Variants in SLC44A2 observed in about 807,000 individuals in gnomAD.
SLC44A2 encodes the protein choline transporter-like protein 2.
Under a neutral mutation model 90.8 loss-of-function variants are expected in SLC44A2, and 57 were observed. The ratio of observed to expected loss-of-function variants is 0.63; its 90% CI spans 0.51 to 0.78. SLC44A2 has a LOEUF of 0.78. SLC44A2 is among the 30% of genes least tolerant of loss of function. The pLI, the probability that SLC44A2 is intolerant of heterozygous loss-of-function variation, is 0.00. For missense variants in SLC44A2, 794 were observed against 919.7 expected, an observed-to-expected ratio of 0.86 and a Z score of 1.77; for synonymous variants, 355 against 360.7, an observed-to-expected ratio of 0.98 and a Z score of 0.18.
At chr19:10,630,982 G>A in intron 4 of SLC44A2, 75 bp from the exon 5 acceptor site, 5 of 1,177,832 alleles carry the variant, frequency 4.2e-6, no homozygotes, top group Non-Finnish European at 6.2e-6. Context: ...TCCATCCTGG[G>A]CAACAAGAGC....
At position 10,631,483 on chromosome 19, in the gene SLC44A2, T is replaced by G. The variant is rs2066993649; in HGVS notation, c.450T>G (p.Ala150=). 1 of 1,614,076 alleles carries G rather than the reference T, an allele frequency of 6.2e-7. No individual in the cohort carries two copies. Among genetic ancestry groups the G allele is most frequent in the Admixed American group, 1.7e-5 (1 of 59,988 alleles). The part of the protein sequence containing the change: ...VPGFKNNKGV[A]EVLQDGDCPA... ...TCCATCTCTCTTGGCAGGGAGTGGC[T>G]GAGGTGCTTCAAGATGGTGACTGCC... The change falls in exon 7 of 22, where the codon GCT becomes GCG. Residue 150 remains alanine (A), a synonymous_variant. Transcript: ENST00000335757.
Position 10,632,160 on chromosome 19 carries a change from C to T in SLC44A2, c.823+4C>T, listed in dbSNP as rs765017585. 26 of 1,608,680 alleles carry T rather than the reference C, an allele frequency of 1.6e-5. No homozygotes were observed. The East Asian group carries it at 1.8e-4, about 11-fold the overall frequency. ...GTGATTCTGGTGCTGGGCTACGGTG[C>T]GTCACCCCCTCCCTGTGGCTTCTCT... On this transcript the variant is annotated splice_donor_region_variant and intron_variant, in intron 10 of 21. Coordinates refer to ENST00000335757, the MANE Select transcript of SLC44A2 (RefSeq NM_020428.4).
Position 10,619,964 on chromosome 19 carries a change from C to T in SLC44A2, c.32-6289C>T, listed in dbSNP as rs77532186. On this transcript the variant is annotated intron_variant, in intron 1 of 21. Transcript: ENST00000407327. ...AGCGAGACTCCGTCTCAAAAAAAAT[C>T]TGCAAATCTCCAACCTGGGCAACAT... is the stretch of plus-strand genomic sequence containing the variant. Among the ~76,000 whole-genome samples the T allele has an allele frequency of 3.7e-3, 563 of 151,756 alleles. 6 individuals carry two copies. Among genetic ancestry groups the T allele is most frequent in the African/African-American group, 0.011 (470 of 41,438 alleles).
chr19:10,626,838 C>G (rs555161324), intron 2 of SLC44A2, among the ~76,000 whole-genome samples: 1 of 152,064 alleles, frequency 6.6e-6, no homozygotes, highest in Admixed American at 6.6e-5. Context: ...CAACCTTCCC[C>G]TCCTGGTTCA....
intron 1 of SLC44A2, among the ~76,000 whole-genome samples, chr19:10,619,072 G>A (rs748563229): frequency 6.7e-5 from 10 of 149,198 alleles, no homozygotes; most frequent in Non-Finnish European, 1.0e-4. Flanking sequence ...CTGGGCTGAC[G>A]TGATCCTCCC....
intron 4 of SLC44A2, among the ~76,000 whole-genome samples, chr19:10,628,542 A>T (rs557824548): frequency 1.3e-5 from 2 of 152,246 alleles, no homozygotes; most frequent in Admixed American, 6.5e-5. Flanking sequence ...ACAGAGCGAG[A>T]CCTGGTCTCA....
rs559607670 is a variant in SLC44A2, at chr19:10,634,586, G to T, written c.824-170G>T. Among the ~76,000 whole-genome samples, 56 of 148,484 alleles carry T rather than the reference G, an allele frequency of 3.8e-4. 3 individuals carry two copies. In the South Asian group the frequency reaches 9.9e-3, roughly 26 times the overall value. On this transcript the variant is annotated intron_variant, in intron 10 of 21. Transcript: ENST00000335757. ...GACACTTGAGCAGAGACCTAAGGAT[G>T]TGTGGGATCCAGCCATGGGGAGAGA... is the stretch of plus-strand genomic sequence containing the variant.
In SLC44A2 at chr19:10,636,649, C is replaced by A; in HGVS notation, c.1497-13C>A. 6.2e-7 allele frequency: 1 copy of A among 1,612,132 alleles called. No individual in the cohort carries two copies. ...GGCCTGGCCCAGCCACCGACCACTC[C>A]CTCGGCCCGCAGGTACCACACAGGC... On this transcript the variant is annotated splice_polypyrimidine_tract_variant and intron_variant, in intron 15 of 21. Transcript: ENST00000335757.
At chr19:10,614,927 C>T (rs8106021) in intron 1 of SLC44A2, among the ~76,000 whole-genome samples, 3,183 of 145,112 alleles carry the variant, frequency 0.022, 137 homozygotes, top group African/African-American at 0.077. Context: ...GCCAAGATTG[C>T]GCCACTGCAC....
chr19:10,610,293 G>GC (rs1918247760), intron 1 of SLC44A2, among the ~76,000 whole-genome samples: 1 of 150,636 alleles, frequency 6.6e-6, no homozygotes, highest in African/African-American at 2.4e-5. Flanking sequence ...CATTTGCAGA[G>GC]CCCTGGTAGA....
chr19:10,615,347 G>A (rs1279715674), intron 1 of SLC44A2, among the ~76,000 whole-genome samples: 1 of 152,062 alleles, frequency 6.6e-6, no homozygotes, highest in African/African-American at 2.4e-5. Context: ...GCCAAGGTGG[G>A]AGGATCACTT....
At chr19:10,626,352 C>A in intron 2 of SLC44A2, 51 bp downstream of exon 2, 1 of 1,332,206 alleles carries the variant, frequency 7.5e-7, no homozygotes, top group Non-Finnish European at 1.1e-6. Flanking sequence ...TACCCCAATC[C>A]CTGTCTCTTC....
intron 20 of SLC44A2, among the ~76,000 whole-genome samples, chr19:10,641,878 G>A (rs1260366778): frequency 2.6e-5 from 4 of 151,520 alleles, no homozygotes; most frequent in Admixed American, 6.6e-5. Context: ...AAAAAAGGCC[G>A]GGTGTGCGGT....
chr19:10,628,538 C>T (rs575638662), intron 4 of SLC44A2, among the ~76,000 whole-genome samples: 1 of 152,180 alleles, frequency 6.6e-6, no homozygotes, highest in Non-Finnish European at 1.5e-5. Context: ...GACGACAGAG[C>T]GAGACCTGGT....
intron 1 of SLC44A2, among the ~76,000 whole-genome samples, chr19:10,610,177 A>C (rs2088061705): frequency 6.6e-6 from 1 of 151,872 alleles, no homozygotes; most frequent in African/African-American, 2.4e-5. Context: ...AATGGCTCTT[A>C]TATTTTTAAA....
chr19:10,634,869 C>A lies in SLC44A2; in HGVS notation c.937C>A (p.Gln313Lys), dbSNP rs781369225. The A allele has an allele frequency of 6.2e-7, 1 of 1,614,208 alleles. No individual in the cohort carries two copies. Among genetic ancestry groups the A allele is most frequent in the Non-Finnish European group, 8.5e-7 (1 of 1,180,036 alleles). Reference sequence around the variant, plus strand: ...TTTCCGGGTGTACCTGCACTTACGGCAGACCTGGTTGGCCTTTAGTGAGTC... The same window carrying A: ...TTTCCGGGTGTACCTGCACTTACGGAAGACCTGGTTGGCCTTTAGTGAGTC... The part of the protein sequence containing the change: ...TDFRVYLHLR[Q>K]TWLAFMIILS... Residue 313 changes from glutamine (Q) to lysine (K), a missense_variant, in exon 11 of 22, where the codon CAG (glutamine) becomes AAG (lysine). Around this residue, in one of 3 missense-constraint regions of SLC44A2, gnomAD observed 738 missense variants for 841.1 expected, o/e 0.88. Coordinates refer to ENST00000335757, the MANE Select transcript of SLC44A2 (RefSeq NM_020428.4).
intron 21 of SLC44A2, 102 bp from the exon 22 acceptor site, chr19:10,643,177 C>T (rs772942235): frequency 3.4e-6 from 5 of 1,477,978 alleles, no homozygotes; most frequent in Admixed American, 4.8e-5. Flanking sequence ...TGCTTTCTAA[C>T]CCTCTGAGGC....
At chr19:10,634,663 C>T (rs972439737) in intron 10 of SLC44A2, 93 bp from the exon 11 acceptor site, 68 of 1,572,428 alleles carry the variant, frequency 4.3e-5, no homozygotes, top group Non-Finnish European at 5.8e-5. Context: ...GCAGAAGCCT[C>T]GATGTTTGCT....
In SLC44A2 at chr19:10,631,733, C is replaced by T. The variant is rs2066997420; in HGVS notation, c.610C>T (p.Leu204=). ...GHGSRKNITD[L]VEGAKKANGV... ...TGGCTCCCGGAAAAACATCACAGAC[C>T]TGGTGGAGGGCGCCAAGTGAGGATA... is the stretch of plus-strand genomic sequence containing the variant. Residue 204 remains leucine, a synonymous_variant, in exon 8 of 22, where the codon CTG becomes TTG. Transcript: ENST00000335757. The T allele has an allele frequency of 6.2e-7, 1 of 1,613,380 alleles. No individual in the cohort carries two copies. Among genetic ancestry groups the T allele is most frequent in the South Asian group, 1.1e-5 (1 of 91,092 alleles).
Sources: gnomAD v4.1 joint callset for allele counts (sites outside exome capture counted in the v4.1 genomes callset) on GRCh38, gnomAD v4.1.1 for gene constraint, gnomAD v4.1.1 regional missense constraint, MANE v1.5 for transcripts, NCBI Gene and HGNC (gene_info 2026-07-23, HGNC 2026-07-21) for gene names.